TSPAN9: variants seen among roughly 807,000 people sequenced by gnomAD.
TSPAN9 encodes tetraspanin 9.
Under a neutral mutation model 31.0 loss-of-function variants are expected in TSPAN9, and 16 were observed. The ratio of observed to expected loss-of-function variants is 0.52; its 90% CI spans 0.35 to 0.78. TSPAN9 has a LOEUF of 0.78. Among genes scored for constraint, TSPAN9 ranks in the 30% least tolerant of loss-of-function variants. The probability of loss-of-function intolerance (pLI) is 0.01; values close to 1 mark genes in which losing one functional copy is unlikely to be tolerated. For synonymous variants in TSPAN9, 145 were observed against 121.6 expected (o/e 1.19, Z -1.27); for missense variants, 272 against 312.5 (o/e 0.87, Z 0.98).
At chr12:3,242,970 C>CG (rs1301055170) in intron 3 of TSPAN9, among the ~76,000 whole-genome samples, 1 of 152,228 alleles carries the variant, frequency 6.6e-6, no homozygotes, top group Non-Finnish European at 1.5e-5. Context: ...GGCATCCAGA[C>CG]GGGAGCTCTG....
intron 2 of TSPAN9, among the ~76,000 whole-genome samples, chr12:3,165,692 C>T (rs7977287): frequency 0.033 from 4,989 of 152,118 alleles, 269 homozygotes; most frequent in African/African-American, 0.11. Context: ...CTCTCAAGGC[C>T]GCGAGTGAGC....
chr12:3,105,855 TTCAC>T (rs1380318314), intron 2 of TSPAN9, among the ~76,000 whole-genome samples: 1 of 96,964 alleles, frequency 1.0e-5, no homozygotes, highest in Non-Finnish European at 2.1e-5. Context: ...CTCACACACG[TTCAC>T]ACACACACGC....
rs1346199493 is a variant in TSPAN9 at position 3,280,296 on chromosome 12, C to T, written c.331-86C>T. The T allele has an allele frequency of 7.2e-6, 9 of 1,244,070 alleles. No homozygotes were observed. The highest frequency in any genetic ancestry group is 1.0e-5 in the Non-Finnish European group (9 of 861,932). 77.1% of individuals were successfully genotyped at this position (1,244,070 alleles called of 1,614,324 possible). A position where few individuals can be genotyped will look rare whatever the true frequency, so the allele number is the denominator to read the frequency against. On this transcript the variant is annotated intron_variant, in intron 5 of 8. Transcript: ENST00000011898. The surrounding 1 kb of genome is among the most constrained non-coding windows in gnomAD (Gnocchi z 4.5). ...GCCTTCCTCACTCCTCATCTGTCACCCACCATCCTGGGTGACCTGAGGTGG... is the reference window on the plus strand; with the variant it reads ...GCCTTCCTCACTCCTCATCTGTCACTCACCATCCTGGGTGACCTGAGGTGG...
chr12:3,118,069 C>T, intron 2 of TSPAN9, among the ~76,000 whole-genome samples: 1 of 132,526 alleles, frequency 7.5e-6, no homozygotes, highest in East Asian at 2.5e-4. Context: ...CTATTTAAGA[C>T]TCTTTTTCTC....
intron 3 of TSPAN9, among the ~76,000 whole-genome samples, chr12:3,238,446 C>T (rs922613195): frequency 6.6e-6 from 1 of 152,232 alleles, no homozygotes; most frequent in African/African-American, 2.4e-5. Context: ...TATTTCTTCC[C>T]ACGATGCCCT....
chr12:3,088,210 C>T (rs1038365219), intron 2 of TSPAN9, among the ~76,000 whole-genome samples: 1 of 152,242 alleles, frequency 6.6e-6, no homozygotes, highest in Admixed American at 6.5e-5. Flanking sequence ...AGATTCTAAA[C>T]AGCTTTGTTT....
intron 2 of TSPAN9, among the ~76,000 whole-genome samples, chr12:3,190,939 C>T (rs1239723639): frequency 6.6e-6 from 1 of 152,180 alleles, no homozygotes; most frequent in African/African-American, 2.4e-5. Context: ...TCAAGGAGCT[C>T]ACAATTTGGG....
intron 2 of TSPAN9, among the ~76,000 whole-genome samples, chr12:3,164,641 G>C (rs1312445138): frequency 2.0e-5 from 3 of 152,220 alleles, no homozygotes; most frequent in African/African-American, 7.2e-5. Flanking sequence ...AGCCAGCAGT[G>C]TCGTGGTAGG....
intron 3 of TSPAN9, among the ~76,000 whole-genome samples, chr12:3,266,980 G>A (rs1174543015): frequency 1.3e-5 from 2 of 152,172 alleles, no homozygotes; most frequent in Non-Finnish European, 2.9e-5. Context: ...TACTTGCTGA[G>A]CTAGAGCCAT....
chr12:3,162,655 C>T (rs1389644574), intron 2 of TSPAN9, among the ~76,000 whole-genome samples: 1 of 151,828 alleles, frequency 6.6e-6, no homozygotes, highest in Non-Finnish European at 1.5e-5. Flanking sequence ...CTTTTTGGCT[C>T]CTTTAATCTA....
At chr12:3,117,767 G>C (rs573530530) in intron 2 of TSPAN9, among the ~76,000 whole-genome samples, 16 of 152,296 alleles carry the variant, frequency 1.1e-4, no homozygotes, top group African/African-American at 3.8e-4. Context: ...TGAGACTATG[G>C]GAACAGCACA....
chr12:3,209,734 C>A (rs966109258), intron 3 of TSPAN9, among the ~76,000 whole-genome samples: 1 of 151,038 alleles, frequency 6.6e-6, no homozygotes, highest in Non-Finnish European at 1.5e-5. Flanking sequence ...CCGAGGCGGG[C>A]GGATCACGAG....
intron 3 of TSPAN9, among the ~76,000 whole-genome samples, chr12:3,259,409 C>A (rs917363710): frequency 6.6e-6 from 1 of 151,986 alleles, no homozygotes; most frequent in Admixed American, 6.5e-5. Flanking sequence ...CCCTGGTCTC[C>A]TCCCTCCCTC....
At chr12:3,274,538 C>A (rs1477030777) in intron 3 of TSPAN9, among the ~76,000 whole-genome samples, 2 of 151,700 alleles carry the variant, frequency 1.3e-5, no homozygotes, top group Non-Finnish European at 3.0e-5. Flanking sequence ...GTGTTGGTGC[C>A]TGTCACCTGT....
intron 2 of TSPAN9, among the ~76,000 whole-genome samples, chr12:3,177,064 G>A (rs1019695386): frequency 1.3e-5 from 2 of 152,176 alleles, no homozygotes; most frequent in African/African-American, 4.8e-5. Flanking sequence ...CAGGAGATGC[G>A]CCACACTCTT....
chr12:3,163,882 A>T (rs934493230), intron 2 of TSPAN9, among the ~76,000 whole-genome samples: 1 of 152,006 alleles, frequency 6.6e-6, no homozygotes, highest in African/African-American at 2.4e-5. Flanking sequence ...GATATTAGAG[A>T]CTCACCTGCT....
chr12:3,179,712 A>G (rs1591663005), intron 2 of TSPAN9, among the ~76,000 whole-genome samples: 2 of 152,204 alleles, frequency 1.3e-5, no homozygotes, highest in African/African-American at 4.8e-5. Context: ...TGATGAATCC[A>G]TGAATAAAGA....
intron 3 of TSPAN9, among the ~76,000 whole-genome samples, chr12:3,217,324 C>A (rs949641909): frequency 6.6e-6 from 1 of 152,162 alleles, no homozygotes; most frequent in Admixed American, 6.5e-5. Context: ...TTGCACTCTA[C>A]GTGACCGGCA....
At chr12:3,268,621 C>T in intron 3 of TSPAN9, among the ~76,000 whole-genome samples, 1 of 133,628 alleles carries the variant, frequency 7.5e-6, no homozygotes, top group African/African-American at 3.0e-5. Flanking sequence ...TGTGTTCCTG[C>T]AGCCTGCCCT....
Sources: allele counts gnomAD v4.1 joint callset (sites outside exome capture counted in the v4.1 genomes callset), GRCh38; gene constraint gnomAD v4.1.1; non-coding constraint Gnocchi (gnomAD v3.1); transcripts MANE v1.5; gene names NCBI Gene and HGNC (gene_info 2026-07-23, HGNC 2026-07-21).